ARL15: variants seen among roughly 807,000 people sequenced by gnomAD.
ARL15 encodes the protein ARF like GTPase 15.
ARL15 carries 19 observed loss-of-function variants against 25.2 expected under a neutral mutation model. That is an observed-to-expected ratio of 0.75 (90% confidence interval 0.53 to 1.10). The LOEUF is 1.10. ARL15 is among the 50% of genes least tolerant of loss of function. ARL15 has a pLI of 0.00. For synonymous variants in ARL15, 94 were observed against 86.8 expected (o/e 1.08, Z -0.46); for missense variants, 220 against 246.0 (o/e 0.89, Z 0.71).
Position 54,109,317 on chromosome 5 carries a change from T to G in ARL15, c.462+3885A>C, listed in dbSNP as rs182988932. Among the ~76,000 whole-genome samples, 704 of 152,150 alleles carry G rather than the reference T, an allele frequency of 4.6e-3. 10 individuals are homozygous for G. Among genetic ancestry groups the G allele is most frequent in the Non-Finnish European group, 5.2e-3 (355 of 67,878 alleles). The stretch of plus-strand genomic sequence containing the variant: ...TTCAACAAATACTTAACACTGTACT[T>G]TTGATATACTATTTCTGAAAAAGTT... On this transcript the variant is annotated intron_variant, in intron 4 of 4. Coordinates refer to ENST00000504924, the MANE Select transcript of ARL15 (RefSeq NM_019087.3).
At chr5:54,238,275 G>A (rs552495108) in intron 1 of ARL15, among the ~76,000 whole-genome samples, 12 of 152,214 alleles carry the variant, frequency 7.9e-5, no homozygotes, top group East Asian at 7.7e-4. Flanking sequence ...TTTGTGCCCT[G>A]GAAACACTGC....
intron 1 of ARL15, among the ~76,000 whole-genome samples, chr5:54,237,658 GCA>G (rs1210997995): frequency 6.6e-6 from 1 of 152,176 alleles, no homozygotes; most frequent in Non-Finnish European, 1.5e-5. Flanking sequence ...CTGAAACCTG[GCA>G]CAGAGAATGC....
chr5:54,082,534 T>C (rs156381), intron 4 of ARL15, among the ~76,000 whole-genome samples: 82,646 of 152,016 alleles, frequency 0.54, 23,571 homozygotes, highest in Non-Finnish European at 0.63. Flanking sequence ...TGAAAAAGTA[T>C]CTCTTGTGAC....
At chr5:53,903,985 G>A (rs1049228517) in intron 4 of ARL15, among the ~76,000 whole-genome samples, 7 of 151,988 alleles carry the variant, frequency 4.6e-5, no homozygotes, top group African/African-American at 1.7e-4. Context: ...GTGACATGAA[G>A]GAAAAGAAAG....
intron 1 of ARL15, chr5:54,307,990 A>G (rs1371846882): frequency 1.3e-5 from 2 of 152,228 alleles, no homozygotes; most frequent in Non-Finnish European, 2.9e-5. Flanking sequence ...TAAAAATAAA[A>G]TAAGATACCA....
At chr5:53,887,991 A>T (rs2111883616) in intron 4 of ARL15, among the ~76,000 whole-genome samples, 1 of 152,264 alleles carries the variant, frequency 6.6e-6, no homozygotes, top group Non-Finnish European at 1.5e-5. Context: ...TATTATGCTA[A>T]TTTAGGAACC....
intron 2 of ARL15, among the ~76,000 whole-genome samples, chr5:54,167,167 T>C (rs1355801053): frequency 1.3e-5 from 2 of 152,224 alleles, no homozygotes; most frequent in Non-Finnish European, 2.9e-5. Flanking sequence ...TCCTTTAAGA[T>C]GGTTCTTGCC....
intron 1 of ARL15, among the ~76,000 whole-genome samples, chr5:54,301,946 A>T (rs890003075): frequency 1.3e-5 from 2 of 152,268 alleles, no homozygotes; most frequent in Non-Finnish European, 2.9e-5. Flanking sequence ...AACTTTTCAG[A>T]TGGTGAGCTA....
chr5:53,909,092 C>G (rs1008179871), intron 4 of ARL15, among the ~76,000 whole-genome samples: 1 of 152,034 alleles, frequency 6.6e-6, no homozygotes, highest in Non-Finnish European at 1.5e-5. Context: ...AGCAAACAAA[C>G]AAGTACACTA....
intron 1 of ARL15, among the ~76,000 whole-genome samples, chr5:54,222,293 T>C (rs1756400363): frequency 6.6e-6 from 1 of 152,234 alleles, no homozygotes; most frequent in African/African-American, 2.4e-5. Context: ...CTAGGAATAG[T>C]GTGGCAATAA....
intron 4 of ARL15, among the ~76,000 whole-genome samples, chr5:54,103,497 AAG>A (rs1387891925): frequency 6.6e-6 from 1 of 152,144 alleles, no homozygotes; most frequent in East Asian, 1.9e-4. Context: ...ATTCTATATA[AAG>A]AGATATTATT....
chr5:54,244,799 TAAA>T (rs10560131), intron 1 of ARL15, among the ~76,000 whole-genome samples: 93,329 of 148,662 alleles, frequency 0.63, 29,617 homozygotes, highest in Non-Finnish European at 0.7. Context: ...AAGGTAGCCA[TAAA>T]AAAAAAAAAC....
At chr5:54,049,778 C>A (rs1750649859) in intron 4 of ARL15, among the ~76,000 whole-genome samples, 1 of 151,878 alleles carries the variant, frequency 6.6e-6, no homozygotes, top group South Asian at 2.1e-4. Context: ...CGCCATGTTG[C>A]CCAGGCTGGT....
At chr5:53,990,716 G>T (rs1748456533) in intron 4 of ARL15, among the ~76,000 whole-genome samples, 1 of 152,112 alleles carries the variant, frequency 6.6e-6, no homozygotes, top group African/African-American at 2.4e-5. Flanking sequence ...GGTACAAATA[G>T]AATTTTTAAA....
rs776448962 is a variant in ARL15 at position 54,100,893 on chromosome 5, C to G, written c.462+12309G>C. On this transcript the variant is annotated intron_variant, in intron 4 of 4. Transcript: ENST00000504924. ...GGCACTTGACTAGAAAAGTGAACTACTTTTCACTGTATACCTTTTTGTAAA... is the reference window on the plus strand; with the variant it reads ...GGCACTTGACTAGAAAAGTGAACTAGTTTTCACTGTATACCTTTTTGTAAA... 9.2e-5 allele frequency among the ~76,000 whole-genome samples: 14 copies of G among 152,102 alleles called. No homozygotes were observed. In the South Asian group the frequency reaches 1.0e-3, roughly 11 times the overall value.
At chr5:54,040,868 T>C (rs10042859) in intron 4 of ARL15, among the ~76,000 whole-genome samples, 2 of 152,214 alleles carry the variant, frequency 1.3e-5, no homozygotes, top group African/African-American at 2.4e-5. Context: ...TCAGCTCCCA[T>C]AATGAAGAAG....
chr5:53,967,757 C>T (rs192129981), intron 4 of ARL15, among the ~76,000 whole-genome samples: 52 of 152,060 alleles, frequency 3.4e-4, no homozygotes, highest in Admixed American at 2.2e-3. Flanking sequence ...ATTTGCCCAG[C>T]GATCAGAAGC....
intron 4 of ARL15, among the ~76,000 whole-genome samples, chr5:54,059,144 CTTT>C (rs1163051780): frequency 6.6e-6 from 1 of 152,134 alleles, no homozygotes; most frequent in Non-Finnish European, 1.5e-5. Context: ...CCGCAAATTG[CTTT>C]TTTTCTTCTA....
chr5:54,268,088 G>A (rs1228710339), intron 1 of ARL15, among the ~76,000 whole-genome samples: 4 of 151,660 alleles, frequency 2.6e-5, no homozygotes, highest in African/African-American at 7.3e-5. Context: ...CATTCTCCCC[G>A]TCACTTTCAG....
Sources: allele counts gnomAD v4.1 joint callset (sites outside exome capture counted in the v4.1 genomes callset), GRCh38; gene constraint gnomAD v4.1.1; transcripts MANE v1.5; gene names NCBI Gene and HGNC (gene_info 2026-07-23, HGNC 2026-07-21).